CTNNA2: variants seen among roughly 807,000 people sequenced by gnomAD.
CTNNA2 encodes catenin alpha-2.
Under a neutral mutation model 101.0 loss-of-function variants are expected in CTNNA2, and 42 were observed. The observed-to-expected ratio is 0.42, with a 90% CI of 0.32 to 0.54. CTNNA2 has a LOEUF of 0.54. Among genes scored for constraint, CTNNA2 ranks in the 20% least tolerant of loss-of-function variants. The probability of loss-of-function intolerance (pLI) is 0.14; values close to 1 mark genes in which losing one functional copy is unlikely to be tolerated. For missense variants in CTNNA2, 871 were observed against 1,223.1 expected (o/e 0.71, Z 4.29); for synonymous variants, 450 against 456.4 (o/e 0.99, Z 0.18).
intron 3 of CTNNA2, among the ~76,000 whole-genome samples, chr2:79,358,018 A>G (rs1431863096): frequency 2.6e-5 from 4 of 151,834 alleles, no homozygotes; most frequent in Non-Finnish European, 4.4e-5. Context: ...TTTCCATAGG[A>G]TTTCATTATC....
chr2:80,444,998 G>T (rs1271414307), intron 9 of CTNNA2, among the ~76,000 whole-genome samples: 1 of 152,032 alleles, frequency 6.6e-6, no homozygotes, highest in Non-Finnish European at 1.5e-5. Flanking sequence ...ACGTTGCCCA[G>T]TGCCCCTGGG....
intron 7 of CTNNA2, among the ~76,000 whole-genome samples, chr2:80,075,961 A>C (rs1343733318): frequency 2.0e-5 from 3 of 151,822 alleles, no homozygotes; most frequent in African/African-American, 7.3e-5. Flanking sequence ...TGAGGAAAGG[A>C]GTGCTAGGTA....
intron 4 of CTNNA2, among the ~76,000 whole-genome samples, chr2:79,468,662 A>G (rs1670965164): frequency 6.6e-6 from 1 of 152,240 alleles, no homozygotes; most frequent in East Asian, 1.9e-4. Context: ...AAAAGAACAG[A>G]AATTATAACA....
At chr2:79,857,509 A>G (rs1182660253) in intron 3 of CTNNA2, among the ~76,000 whole-genome samples, 1 of 152,242 alleles carries the variant, frequency 6.6e-6, no homozygotes, top group Non-Finnish European at 1.5e-5. Context: ...TAAGAGGATT[A>G]GAAGATTGGA....
chr2:79,639,963 AAG>A (rs927536090), intron 1 of CTNNA2, among the ~76,000 whole-genome samples: 6 of 143,812 alleles, frequency 4.2e-5, no homozygotes, highest in South Asian at 2.2e-4. Context: ...TGTGTGTGTG[AAG>A]AGAGAGAGAG....
chr2:79,437,756 A>C (rs888406467), intron 4 of CTNNA2, among the ~76,000 whole-genome samples: 8 of 152,088 alleles, frequency 5.3e-5, no homozygotes, highest in African/African-American at 1.9e-4. Context: ...GAAGCGTTTC[A>C]CTTTCTTTTT....
chr2:79,321,879 A>G (rs1255074069), intron 3 of CTNNA2, among the ~76,000 whole-genome samples: 1 of 152,150 alleles, frequency 6.6e-6, no homozygotes, highest in Non-Finnish European at 1.5e-5. Flanking sequence ...ATGCATGGGA[A>G]ATCCTACGTT....
intron 4 of CTNNA2, among the ~76,000 whole-genome samples, chr2:79,426,002 A>G (rs2104506074): frequency 6.6e-6 from 1 of 152,270 alleles, no homozygotes; most frequent in South Asian, 2.1e-4. Context: ...GACCGGCTGT[A>G]AGTTATGTAT....
At chr2:79,697,239 A>G (rs937462381) in intron 2 of CTNNA2, among the ~76,000 whole-genome samples, 3 of 152,020 alleles carry the variant, frequency 2.0e-5, no homozygotes, top group African/African-American at 4.8e-5. Flanking sequence ...TAGTTCCTCC[A>G]TAGTTATGCA....
intron 4 of CTNNA2, among the ~76,000 whole-genome samples, chr2:79,401,904 C>T (rs1308326722): frequency 5.9e-5 from 9 of 151,466 alleles, no homozygotes; most frequent in Admixed American, 5.9e-4. Flanking sequence ...ATGTTATACA[C>T]TGTCCACAAG....
At chr2:79,189,102 C>A (rs1673819363) in intron 1 of CTNNA2, among the ~76,000 whole-genome samples, 1 of 152,138 alleles carries the variant, frequency 6.6e-6, no homozygotes, top group Non-Finnish European at 1.5e-5. Context: ...CATCAAGATG[C>A]TGGTTAGACC....
chr2:80,135,315 C>T (rs776957286), intron 7 of CTNNA2, among the ~76,000 whole-genome samples: 6 of 152,132 alleles, frequency 3.9e-5, no homozygotes, highest in African/African-American at 9.7e-5. Flanking sequence ...CAGATGTCAG[C>T]GGCTCAAAAG....
chr2:79,210,301 GA>G (rs1215980849), intron 2 of CTNNA2, among the ~76,000 whole-genome samples: 1 of 151,216 alleles, frequency 6.6e-6, no homozygotes, highest in South Asian at 2.1e-4. Context: ...TTAAATAAAA[GA>G]AAAAAAACTA....
At chr2:79,485,220 G>C (rs1671145578) in intron 4 of CTNNA2, among the ~76,000 whole-genome samples, 1 of 143,504 alleles carries the variant, frequency 7.0e-6, no homozygotes, top group Non-Finnish European at 1.6e-5. Context: ...TTTATACTAA[G>C]TAAAAAAAAA....
At chr2:79,694,969 G>GA (rs1490194078) in intron 2 of CTNNA2, among the ~76,000 whole-genome samples, 2,870 of 150,804 alleles carry the variant, frequency 0.019, 58 homozygotes, top group African/African-American at 0.047. Flanking sequence ...CTTTATATCA[G>GA]CCTAAAGCGG....
Position 80,320,121 on chromosome 2 carries a change from T to C in CTNNA2, c.1057-73090T>C, listed in dbSNP as rs1456495333. The stretch of plus-strand genomic sequence containing the variant: ...TAAATGTAAAGTTACTGTTAGAACC[T>C]AAATTTCTTCATCTAAAAAACAGGA... On this transcript the variant is annotated intron_variant, in intron 7 of 18. Transcript: ENST00000402739. Among the ~76,000 whole-genome samples, 4 of 152,228 alleles carry C rather than the reference T, an allele frequency of 2.6e-5. No homozygotes were observed. The East Asian group carries it at 7.7e-4, about 29-fold the overall frequency.
At chr2:80,409,766 G>A (rs185782260) in intron 8 of CTNNA2, among the ~76,000 whole-genome samples, 7 of 152,202 alleles carry the variant, frequency 4.6e-5, no homozygotes, top group Admixed American at 6.5e-5. Flanking sequence ...ATTTTGGTAC[G>A]TTTACTCTCA....
At chr2:79,192,924 G>A (rs1391695835) in intron 1 of CTNNA2, among the ~76,000 whole-genome samples, 1 of 151,972 alleles carries the variant, frequency 6.6e-6, no homozygotes, top group Non-Finnish European at 1.5e-5. Flanking sequence ...AACTCTAACA[G>A]TACACTTGAA....
In CTNNA2 at chr2:79,835,692, T is replaced by TTG. The variant is rs1558565859; in HGVS notation, c.299-22320_299-22319insGT. ...TTTTTTTTTTTTTTTTTTTTTTTTT[T>TTG]TTTTTTTTTTTGAGACAGAGTGTTG... On this transcript the variant is annotated intron_variant, in intron 3 of 18. Transcript: ENST00000402739. Among the ~76,000 whole-genome samples, 131 of 96,566 alleles carry TTG rather than the reference T, an allele frequency of 1.4e-3. 1 individual carries two copies. The highest frequency in any genetic ancestry group is 5.4e-3 in the African/African-American group (128 of 23,902). 63.4% of individuals were successfully genotyped at this position (96,566 alleles called of 152,430 possible).
Sources: allele counts gnomAD v4.1 joint callset (sites outside exome capture counted in the v4.1 genomes callset), GRCh38; gene constraint gnomAD v4.1.1; transcripts MANE v1.5; gene names NCBI Gene and HGNC (gene_info 2026-07-23, HGNC 2026-07-21).